Variants in CSMD1 observed in about 807,000 individuals in gnomAD.
CSMD1 encodes CUB and Sushi multiple domains 1, also known as CUB and sushi domain-containing protein 1.
Under a neutral mutation model 417.5 loss-of-function variants are expected in CSMD1, and 213 were observed. The ratio of observed to expected loss-of-function variants is 0.51; its 90% CI spans 0.46 to 0.57. The LOEUF is 0.57. Among genes scored for constraint, CSMD1 ranks in the 20% least tolerant of loss-of-function variants. The pLI is 0.00. For synonymous variants in CSMD1, 2,862 were observed against 1,736.8 expected (o/e 1.65, Z -16.11); for missense variants, 6,923 against 4,529.7 (o/e 1.53, Z -15.17).
At chr8:4,691,480 C>T (rs2116764834) in intron 1 of CSMD1, among the ~76,000 whole-genome samples, 1 of 152,254 alleles carries the variant, frequency 6.6e-6, no homozygotes, top group Admixed American at 6.5e-5. Flanking sequence ...AACTCTCCGC[C>T]TGTGAAGGTT....
At chr8:3,724,354 G>A (rs530054764) in intron 6 of CSMD1, among the ~76,000 whole-genome samples, 78 of 151,850 alleles carry the variant, frequency 5.1e-4, no homozygotes, top group South Asian at 4.2e-3. Context: ...GTTTTTGTTT[G>A]GTCAAATATA....
intron 6 of CSMD1, among the ~76,000 whole-genome samples, chr8:3,746,783 G>C (rs951002296): frequency 2.0e-5 from 3 of 152,090 alleles, no homozygotes; most frequent in South Asian, 2.1e-4. Flanking sequence ...TTACATTTAT[G>C]ACTTTTTAAT....
At chr8:3,507,070 T>C (rs1369780634) in intron 10 of CSMD1, among the ~76,000 whole-genome samples, 2 of 152,194 alleles carry the variant, frequency 1.3e-5, no homozygotes, top group African/African-American at 4.8e-5. Context: ...CTTGGTGTCA[T>C]GGTTACAGTT....
chr8:3,525,465 G>A (rs1797715962), intron 10 of CSMD1, among the ~76,000 whole-genome samples: 1 of 152,124 alleles, frequency 6.6e-6, no homozygotes, highest in Non-Finnish European at 1.5e-5. Context: ...ATAACTGACA[G>A]CAGGACATGA....
At chr8:3,463,124 A>G (rs1190884527) in intron 12 of CSMD1, among the ~76,000 whole-genome samples, 1 of 152,010 alleles carries the variant, frequency 6.6e-6, no homozygotes, top group Non-Finnish European at 1.5e-5. Context: ...CGCCAAGCCA[A>G]CTCTATCTCC....
intron 50 of CSMD1, among the ~76,000 whole-genome samples, chr8:3,050,610 T>C (rs1015380667): frequency 6.6e-6 from 1 of 152,204 alleles, no homozygotes; most frequent in African/African-American, 2.4e-5. Context: ...TAGCCTCCCA[T>C]ACTATTACTT....
At chr8:4,976,651 T>C (rs1476328987) in intron 1 of CSMD1, among the ~76,000 whole-genome samples, 1 of 152,232 alleles carries the variant, frequency 6.6e-6, no homozygotes, top group African/African-American at 2.4e-5. Context: ...ATGACCCTCG[T>C]CCACCCTAAA....
At chr8:3,720,050 G>C (rs1465267279) in intron 6 of CSMD1, among the ~76,000 whole-genome samples, 1 of 152,178 alleles carries the variant, frequency 6.6e-6, no homozygotes, top group South Asian at 2.1e-4. Context: ...GTTACACAAA[G>C]TGCATGGAAA....
intron 2 of CSMD1, among the ~76,000 whole-genome samples, chr8:4,575,128 T>C (rs1799078625): frequency 6.6e-6 from 1 of 152,188 alleles, no homozygotes; most frequent in Non-Finnish European, 1.5e-5. Flanking sequence ...CATTCTTTCA[T>C]TCAATAAATA....
At position 3,965,370 on chromosome 8, in the gene CSMD1, T is replaced by C. The variant is rs116345039; in HGVS notation, c.818+32533A>G. Reference sequence around the variant, plus strand: ...AAGACAATGTTTTGAAGAGTTTGTGTGAACAAGCGTTCTACAAATACATTG... The same window carrying C: ...AAGACAATGTTTTGAAGAGTTTGTGCGAACAAGCGTTCTACAAATACATTG... On this transcript the variant is annotated intron_variant, in intron 5 of 69. Transcript: ENST00000635120. 4.5e-3 allele frequency among the ~76,000 whole-genome samples: 690 copies of C among 152,316 alleles called. 8 individuals carry two copies. The highest frequency in any genetic ancestry group is 0.016 in the African/African-American group (675 of 41,584).
chr8:4,407,494 T>C lies in CSMD1; in HGVS notation c.415+12459A>G, dbSNP rs1585028179. 4.6e-5 allele frequency among the ~76,000 whole-genome samples: 7 copies of C among 152,332 alleles called. No individual in the cohort carries two copies. In the South Asian group the frequency reaches 1.0e-3, roughly 23 times the overall value. ...TAATTTTGTATATAATAAATTTCAT[T>C]GTACTCTGTTGTATTTTTACAGTGT... On this transcript the variant is annotated intron_variant, in intron 3 of 69. Coordinates refer to ENST00000635120, the MANE Select transcript of CSMD1 (RefSeq NM_033225.6).
At chr8:4,479,310 G>A (rs1015581745) in intron 2 of CSMD1, among the ~76,000 whole-genome samples, 1 of 152,088 alleles carries the variant, frequency 6.6e-6, no homozygotes, top group Non-Finnish European at 1.5e-5. Context: ...TTCTTGGTAA[G>A]TATGAAAAAG....
chr8:4,033,148 A>C (rs1344104147), intron 3 of CSMD1, among the ~76,000 whole-genome samples: 1 of 150,642 alleles, frequency 6.6e-6, no homozygotes, highest in Non-Finnish European at 1.5e-5. Context: ...AAAAAAAAAA[A>C]AAAAAAACCT....
chr8:3,694,346 C>G (rs554229329), intron 7 of CSMD1, among the ~76,000 whole-genome samples: 1 of 152,080 alleles, frequency 6.6e-6, no homozygotes, highest in Non-Finnish European at 1.5e-5. Context: ...AGACAGGGGT[C>G]ACTCAGGCTG....
At chr8:3,918,382 C>G (rs1808977974) in intron 5 of CSMD1, among the ~76,000 whole-genome samples, 2 of 152,080 alleles carry the variant, frequency 1.3e-5, no homozygotes, top group South Asian at 2.1e-4. Flanking sequence ...ATATAATGGC[C>G]ATCTTAACAA....
intron 6 of CSMD1, among the ~76,000 whole-genome samples, chr8:3,729,161 C>A (rs544720885): frequency 6.6e-6 from 1 of 152,206 alleles, no homozygotes; most frequent in Non-Finnish European, 1.5e-5. Flanking sequence ...TTAACTAACT[C>A]GTTCATGACA....
intron 3 of CSMD1, among the ~76,000 whole-genome samples, chr8:4,392,203 A>C (rs1422075041): frequency 1.3e-5 from 2 of 152,188 alleles, no homozygotes; most frequent in African/African-American, 4.8e-5. Flanking sequence ...GTTGCTTTTT[A>C]CACAGCAGAT....
rs142160717 is a variant in CSMD1, at chr8:3,994,843, T to C, written c.818+3060A>G. Among the ~76,000 whole-genome samples, 464 of 152,306 alleles carry C rather than the reference T, an allele frequency of 3.0e-3. 1 individual carries two copies. Among genetic ancestry groups the C allele is most frequent in the African/African-American group, 0.011 (451 of 41,562 alleles). The stretch of plus-strand genomic sequence containing the variant: ...ATAAGGCTAATCCTATTATTGTTCC[T>C]AACAATTTTCCAAGTAGCTTCTTCT... On this transcript the variant is annotated intron_variant, in intron 5 of 69. Coordinates refer to ENST00000635120, the MANE Select transcript of CSMD1 (RefSeq NM_033225.6).
chr8:4,010,699 T>C (rs1169227512), intron 4 of CSMD1, among the ~76,000 whole-genome samples: 1 of 152,152 alleles, frequency 6.6e-6, no homozygotes, highest in Non-Finnish European at 1.5e-5. Context: ...CCCTTCACTT[T>C]CTTTTCCTTG....
Sources: gnomAD v4.1 joint callset for allele counts (sites outside exome capture counted in the v4.1 genomes callset) on GRCh38, gnomAD v4.1.1 for gene constraint, MANE v1.5 for transcripts, NCBI Gene and HGNC (gene_info 2026-07-23, HGNC 2026-07-21) for gene names.